PDE6B: variants seen among roughly 807,000 people sequenced by gnomAD.
The protein encoded by PDE6B is phosphodiesterase 6B.
Under a neutral mutation model 109.0 loss-of-function variants are expected in PDE6B, and 106 were observed. That is an observed-to-expected ratio of 0.97 (90% CI 0.83 to 1.14). The LOEUF is 1.14. Ranked by LOEUF, PDE6B falls within the 50% of genes most tolerant of loss-of-function variation. PDE6B has a pLI of 0.00. For synonymous variants in PDE6B, 490 were observed against 471.3 expected, an observed-to-expected ratio of 1.04 and a Z score of -0.51; for missense variants, 1,193 against 1,155.6, an observed-to-expected ratio of 1.03 and a Z score of -0.47.
At chr4:656,694 A>T (rs1017036791) in intron 8 of PDE6B, among the ~76,000 whole-genome samples, 180 bp from the exon 9 acceptor site, 8 of 152,250 alleles carry the variant, frequency 5.3e-5, no homozygotes, top group Admixed American at 4.6e-4. Flanking sequence ...TGACACAAAA[A>T]CCATGGACAC....
chr4:653,157 G>T, intron 3 of PDE6B: 2 of 991,588 alleles, frequency 2.0e-6, no homozygotes, highest in Non-Finnish European at 2.4e-6. Flanking sequence ...GGCCTGGCAG[G>T]GAGAGAGCTG....
intron 3 of PDE6B, among the ~76,000 whole-genome samples, chr4:650,287 T>C (rs1264478186): frequency 6.6e-6 from 1 of 152,196 alleles, no homozygotes; most frequent in Non-Finnish European, 1.5e-5. Flanking sequence ...GTCGAGACAA[T>C]TCACGTAAGA....
chr4:626,553 C>T lies in PDE6B; in HGVS notation c.468+459C>T, dbSNP rs1008053215. Reference sequence around the variant, plus strand: ...GTCACAGTCGAAGGTGGTGCAGACGCCCACAGGGAGGGAGAGCCAGGGGAA... The same window carrying T: ...GTCACAGTCGAAGGTGGTGCAGACGTCCACAGGGAGGGAGAGCCAGGGGAA... On this transcript the variant is annotated intron_variant, in intron 1 of 21. Transcript: ENST00000496514. This position sits in a 1 kb window ranked among gnomAD's most constrained non-coding sequence, Gnocchi z 4.6. Among the ~76,000 whole-genome samples the T allele has an allele frequency of 7.2e-5, 11 of 152,176 alleles. No homozygotes were observed. The highest frequency in any genetic ancestry group is 2.7e-4 in the African/African-American group (11 of 41,440).
At chr4:664,086 C>G in intron 16 of PDE6B, 28 bp from the exon 17 acceptor site, 1 of 1,481,286 alleles carries the variant, frequency 6.8e-7, no homozygotes, top group Non-Finnish European at 9.4e-7. Context: ...TTGCTCCCAC[C>G]TGCACCTCCC....
In PDE6B at chr4:666,218, C is replaced by T. The variant is rs1737780440; in HGVS notation, c.2269-313C>T. ...GCCCGGCTCAGCACTGTGTACAGCC[C>T]ATCCCCCTCCCCGCCTCTCCCCAGC... On this transcript the variant is annotated intron_variant, in intron 19 of 21. Coordinates refer to ENST00000496514, the MANE Select transcript of PDE6B (RefSeq NM_000283.4). This position sits in a 1 kb window ranked among gnomAD's most constrained non-coding sequence, Gnocchi z 5.6. Among the ~76,000 whole-genome samples the T allele has an allele frequency of 6.6e-6, 1 of 152,268 alleles. No homozygotes were observed.
Position 662,238 on chromosome 4 carries a change from C to T in PDE6B, c.1719C>T (p.Leu573=), listed in dbSNP as rs751960878. Residue 573 remains leucine (L), a synonymous_variant, in exon 13 of 22, where the codon CTC becomes CTT. Coordinates refer to ENST00000496514, the MANE Select transcript of PDE6B (RefSeq NM_000283.4). This position sits in a 1 kb window ranked among gnomAD's most constrained non-coding sequence, Gnocchi z 4.3. ...TGGCCCAGACGATGTTCACGCTGCTCATGGTACGTGGCTGCCAGAATCACC... is the reference window on the plus strand; with the variant it reads ...TGGCCCAGACGATGTTCACGCTGCTTATGGTACGTGGCTGCCAGAATCACC... ...FNVAQTMFTL[L]MTGKLKSYYT... is the part of the protein sequence containing the mutation. 4 of 1,530,004 alleles carry T rather than the reference C, an allele frequency of 2.6e-6. No individual in the cohort carries two copies. The highest frequency in any genetic ancestry group is 2.7e-5 in the African/African-American group (2 of 73,034). The allele number at this position is 1,530,004 out of a possible 1,614,324, so 94.8% of individuals were successfully genotyped here. A position where few individuals can be genotyped will look rare whatever the true frequency, so the allele number is the denominator to read the frequency against.
intron 3 of PDE6B, among the ~76,000 whole-genome samples, chr4:651,365 G>T (rs1735536161): frequency 6.6e-6 from 1 of 152,182 alleles, no homozygotes; most frequent in South Asian, 2.1e-4. Flanking sequence ...GGTCCTCAGG[G>T]GGGGCCTCCT....
At chr4:642,917 C>T (rs1577254153) in intron 3 of PDE6B, among the ~76,000 whole-genome samples, 1 of 152,114 alleles carries the variant, frequency 6.6e-6, no homozygotes, top group Non-Finnish European at 1.5e-5. Flanking sequence ...AAATTGTGAA[C>T]GAGCTTTGCA....
At position 625,807 on chromosome 4, in the gene PDE6B, G is replaced by T. The variant is rs767438881; in HGVS notation, c.181G>T (p.Glu61Ter). 39 of 1,613,174 alleles carry T rather than the reference G, an allele frequency of 2.4e-5. No homozygotes were observed. The highest frequency in any genetic ancestry group is 3.2e-5 in the Non-Finnish European group (38 of 1,179,950). ...GGTGGAGGAGAGCACGGCGCTGCTG[G>T]AGCTGGTGCAGGATATGCAGGAGAG... ...CQVEESTALL[E>*]LVQDMQESIN... is the part of the protein sequence containing the mutation. Residue 61 changes from glutamate to a stop codon, truncating the protein, a stop_gained, in exon 1 of 22, where the codon GAG becomes TAG. Coordinates refer to ENST00000496514, the MANE Select transcript of PDE6B (RefSeq NM_000283.4). LOFTEE classifies it high-confidence loss of function. The surrounding 1 kb of genome is among the most constrained non-coding windows in gnomAD (Gnocchi z 5.0).
intron 21 of PDE6B, 111 bp from the exon 22 acceptor site, chr4:669,935 T>A (rs1183832820): frequency 8.0e-6 from 7 of 878,634 alleles, no homozygotes; most frequent in Non-Finnish European, 1.2e-5. Context: ...CAGACCCAGG[T>A]GCTGTCCTTC....
At chr4:656,781 AG>A in intron 8 of PDE6B, 92 bp from the exon 9 acceptor site, 1 of 1,180,466 alleles carries the variant, frequency 8.5e-7, no homozygotes. Context: ...TCACGGCTCT[AG>A]GGGAGAAGAC....
Position 663,960 on chromosome 4 carries a change from C to A in PDE6B, c.2021+90C>A. On this transcript the variant is annotated intron_variant, in intron 16 of 21. Transcript: ENST00000496514. This position sits in a 1 kb window ranked among gnomAD's most constrained non-coding sequence, Gnocchi z 4.0. ...ACGGGGGCGCAGCGGCGGCACAGCC[C>A]GGGGGACGCAGCCCCGGATTCCGTC... 3.5e-6 allele frequency: 4 copies of A among 1,128,192 alleles called. No individual in the cohort carries two copies. The highest frequency in any genetic ancestry group is 5.2e-6 in the Non-Finnish European group (4 of 770,776). The allele number at this position is 1,128,192 out of a possible 1,614,324, so 69.9% of individuals were successfully genotyped here.
chr4:653,383 G>C, intron 3 of PDE6B: 1 of 1,087,410 alleles, frequency 9.2e-7, no homozygotes, highest in Non-Finnish European at 1.1e-6. Context: ...GGGATGTCCT[G>C]AGTGGGGTCT....
At chr4:638,782 T>C (rs1734811903) in intron 3 of PDE6B, among the ~76,000 whole-genome samples, 1 of 152,172 alleles carries the variant, frequency 6.6e-6, no homozygotes, top group African/African-American at 2.4e-5. Flanking sequence ...GGGCCTGGTG[T>C]TTATCCTGCA....
In PDE6B at chr4:636,923, A is replaced by G. The variant is rs1451314324; in HGVS notation, c.711+954A>G. Among the ~76,000 whole-genome samples the G allele has an allele frequency of 6.6e-6, 1 of 152,226 alleles. No individual in the cohort carries two copies. Among genetic ancestry groups the G allele is most frequent in the Non-Finnish European group, 1.5e-5 (1 of 68,036 alleles). On this transcript the variant is annotated intron_variant, in intron 3 of 21. Transcript: ENST00000496514. This position sits in a 1 kb window ranked among gnomAD's most constrained non-coding sequence, Gnocchi z 4.5. ...CCCCCGGAGGGAAGTCTCAGCCCCA[A>G]TCCAAGCAGGCCTCTCACGGCCAGG...
intron 3 of PDE6B, among the ~76,000 whole-genome samples, chr4:651,240 AGGCGG>A (rs1735517867): frequency 6.8e-6 from 1 of 147,836 alleles, no homozygotes; most frequent in Non-Finnish European, 1.5e-5. Context: ...GGGCCGTCAC[AGGCGG>A]GGCAGGGGCT....
At chr4:649,168 C>T (rs1051440864) in intron 3 of PDE6B, among the ~76,000 whole-genome samples, 4 of 152,182 alleles carry the variant, frequency 2.6e-5, no homozygotes, top group Non-Finnish European at 4.4e-5. Context: ...TGGGGCGGGG[C>T]GGGTGATCCT....
In PDE6B at chr4:663,695, C is replaced by T. The variant is rs1047447500; in HGVS notation, c.1921-75C>T. On this transcript the variant is annotated intron_variant, in intron 15 of 21. Coordinates refer to ENST00000496514, the MANE Select transcript of PDE6B (RefSeq NM_000283.4). The surrounding 1 kb of genome is among the most constrained non-coding windows in gnomAD (Gnocchi z 4.0). ...GCGTGAGAGGCACAGGCAGCCGAGG[C>T]GGAAGGGGCGGGGTCCCCGGGCACC... 4.3e-5 allele frequency: 46 copies of T among 1,075,570 alleles called. No individual in the cohort carries two copies. Among genetic ancestry groups the T allele is most frequent in the Non-Finnish European group, 6.0e-5 (42 of 701,328 alleles). 66.6% of individuals were successfully genotyped at this position (1,075,570 alleles called of 1,614,324 possible).
At position 655,816 on chromosome 4, in the gene PDE6B, C is replaced by T. The variant is rs1736157746; in HGVS notation, c.993-124C>T. 30 of 753,282 alleles carry T rather than the reference C, an allele frequency of 4.0e-5. No homozygotes were observed. In the South Asian group the frequency reaches 4.2e-4, roughly 11 times the overall value. 46.7% of individuals were successfully genotyped at this position (753,282 alleles called of 1,614,324 possible). A position where few individuals can be genotyped will look rare whatever the true frequency, so the allele number is the denominator to read the frequency against. On this transcript the variant is annotated intron_variant, in intron 6 of 21. Transcript: ENST00000496514. The stretch of plus-strand genomic sequence containing the variant: ...CCCAGACCAGCCCCTCTGACCCCTG[C>T]ACACACACGTGCAGCCTAGACCAGC...
Sources: gnomAD v4.1 joint callset for allele counts (sites outside exome capture counted in the v4.1 genomes callset) on GRCh38, gnomAD v4.1.1 for gene constraint, Gnocchi (gnomAD v3.1) non-coding constraint, MANE v1.5 for transcripts, NCBI Gene and HGNC (gene_info 2026-07-23, HGNC 2026-07-21) for gene names.